OTUD7A: variants seen among roughly 807,000 people sequenced by gnomAD.
The protein encoded by OTUD7A is OTU domain-containing protein 7A.
Under a neutral mutation model 65.7 loss-of-function variants are expected in OTUD7A, and 12 were observed. The ratio of observed to expected loss-of-function variants is 0.18; its 90% CI spans 0.12 to 0.30. OTUD7A has a LOEUF of 0.30. Ranked by LOEUF, OTUD7A falls within the 10% of genes least tolerant of loss-of-function variation. OTUD7A has a pLI of 1.00. For missense variants in OTUD7A, 1,148 were observed against 1,304.8 expected (o/e 0.88, Z 1.85); for synonymous variants, 641 against 586.3 (o/e 1.09, Z -1.35).
At chr15:31,721,324 G>A (rs1362854774) in intron 1 of OTUD7A, among the ~76,000 whole-genome samples, 4 of 151,982 alleles carry the variant, frequency 2.6e-5, no homozygotes, top group African/African-American at 7.2e-5. Context: ...CAACTGGGGA[G>A]AAGGCATTAG....
At chr15:31,547,057 G>A (rs886375752) in intron 5 of OTUD7A, among the ~76,000 whole-genome samples, 18 of 113,796 alleles carry the variant, frequency 1.6e-4, no homozygotes, top group Non-Finnish European at 3.2e-4. Context: ...ACAATGAAAG[G>A]GTAATGGGTC....
At chr15:31,714,139 C>T (rs915868633) in intron 1 of OTUD7A, among the ~76,000 whole-genome samples, 26 of 148,306 alleles carry the variant, frequency 1.8e-4, no homozygotes, top group African/African-American at 6.4e-4. Context: ...CCTACACAAC[C>T]AAAATGTGTA....
intron 1 of OTUD7A, among the ~76,000 whole-genome samples, chr15:31,827,854 A>AG (rs34017886): frequency 0.94 from 141,880 of 151,538 alleles, 67,121 homozygotes; most frequent in East Asian, 1. Context: ...TTGAACTTGG[A>AG]GGGGCGGGGG....
At chr15:31,806,585 C>A (rs1023320821) in intron 1 of OTUD7A, among the ~76,000 whole-genome samples, 1 of 152,316 alleles carries the variant, frequency 6.6e-6, no homozygotes, top group Admixed American at 6.5e-5. Context: ...CCAACAAGGA[C>A]CCCCAATGAC....
chr15:31,579,929 A>G (rs1412891404), intron 3 of OTUD7A, among the ~76,000 whole-genome samples: 2 of 152,036 alleles, frequency 1.3e-5, no homozygotes, highest in African/African-American at 2.4e-5. Flanking sequence ...TAATGTAGGG[A>G]AAAATACAGA....
chr15:31,559,191 C>A lies in OTUD7A; in HGVS notation c.332-4G>T. On this transcript the variant is annotated splice_polypyrimidine_tract_variant and splice_region_variant and intron_variant, in intron 4 of 12. Coordinates refer to ENST00000307050, the MANE Select transcript of OTUD7A (RefSeq NM_001382637.1). ...ATCCCCCGGGAAAGCCGCTTTTCTG[C>A]AGGGGGAGAAGGAAAGATAGCCCCA... is the stretch of plus-strand genomic sequence containing the variant. 6.2e-7 allele frequency: 1 copy of A among 1,611,718 alleles called. No individual in the cohort carries two copies. Among genetic ancestry groups the A allele is most frequent in the Non-Finnish European group, 8.5e-7 (1 of 1,178,450 alleles).
At chr15:31,802,690 C>T (rs921589854) in intron 1 of OTUD7A, among the ~76,000 whole-genome samples, 1 of 152,184 alleles carries the variant, frequency 6.6e-6, no homozygotes, top group Admixed American at 6.5e-5. Flanking sequence ...ATTAAGAACG[C>T]TTTGAGGTAC....
chr15:31,682,407 A>C (rs1404462180), intron 1 of OTUD7A, among the ~76,000 whole-genome samples: 1 of 152,224 alleles, frequency 6.6e-6, no homozygotes, highest in Non-Finnish European at 1.5e-5. Context: ...TCTATATAGA[A>C]AGATAAACTA....
rs16956777 is a variant in OTUD7A, at chr15:31,487,635, C to G, written c.1172-69G>C. 392,183 of 1,321,798 alleles carry G rather than the reference C, an allele frequency of 0.3. 59,198 individuals are homozygous for G. Among genetic ancestry groups the G allele is most frequent in the East Asian group, 0.4 (16,033 of 40,022 alleles). 81.9% of individuals were successfully genotyped at this position (1,321,798 alleles called of 1,614,324 possible). A position where few individuals can be genotyped will look rare whatever the true frequency, so the allele number is the denominator to read the frequency against. On this transcript the variant is annotated intron_variant, in intron 10 of 12. Coordinates refer to ENST00000307050, the MANE Select transcript of OTUD7A (RefSeq NM_001382637.1). This position sits in a 1 kb window ranked among gnomAD's most constrained non-coding sequence, Gnocchi z 6.0. Reference sequence around the variant, plus strand: ...CCCAGGCAGGATGGCAAGGAAATTCCCAAGCCAGGTATCTGGGTGACAAAT... The same window carrying G: ...CCCAGGCAGGATGGCAAGGAAATTCGCAAGCCAGGTATCTGGGTGACAAAT...
In OTUD7A at chr15:31,618,338, C is replaced by T. The variant is rs1417903573; in HGVS notation, c.151+36758G>A. 2.6e-5 allele frequency among the ~76,000 whole-genome samples: 4 copies of T among 152,190 alleles called. No homozygotes were observed. In the East Asian group the frequency reaches 7.7e-4, roughly 29 times the overall value. ...CAAATGGTATTTCCAGTTCTAAATA[C>T]CTGAGGAATCGCCACACTGTCTTCC... is the stretch of plus-strand genomic sequence containing the variant. On this transcript the variant is annotated intron_variant, in intron 3 of 12. Transcript: ENST00000307050.
intron 3 of OTUD7A, among the ~76,000 whole-genome samples, chr15:31,647,055 A>T (rs1327322662): frequency 6.6e-6 from 1 of 151,732 alleles, no homozygotes; most frequent in Non-Finnish European, 1.5e-5. Flanking sequence ...TTTTTTTGAC[A>T]TTTTTTCCCC....
chr15:31,648,835 A>G (rs1891753276), intron 3 of OTUD7A, among the ~76,000 whole-genome samples: 1 of 152,126 alleles, frequency 6.6e-6, no homozygotes, highest in Non-Finnish European at 1.5e-5. Flanking sequence ...ATCTCAGCTC[A>G]CTACAACCTC....
chr15:31,645,822 A>G (rs922802096), intron 3 of OTUD7A, among the ~76,000 whole-genome samples: 2 of 152,166 alleles, frequency 1.3e-5, no homozygotes, highest in Non-Finnish European at 2.9e-5. Flanking sequence ...TTTATAAATA[A>G]AAGTTTTGTT....
chr15:31,695,952 A>T (rs1353920671), intron 1 of OTUD7A, among the ~76,000 whole-genome samples: 1 of 152,012 alleles, frequency 6.6e-6, no homozygotes. Flanking sequence ...TCTCACACAC[A>T]CCTGAGGAAG....
chr15:31,510,368 G>A (rs2041667494), intron 8 of OTUD7A, among the ~76,000 whole-genome samples: 1 of 151,078 alleles, frequency 6.6e-6, no homozygotes, highest in East Asian at 1.9e-4. Context: ...CGTCATGCTT[G>A]GTGTTTTTGC....
intron 1 of OTUD7A, among the ~76,000 whole-genome samples, chr15:31,670,774 G>C (rs375551855): frequency 6.6e-6 from 1 of 151,978 alleles, no homozygotes; most frequent in Non-Finnish European, 1.5e-5. Context: ...GGCGGATCAC[G>C]AGGTCAGGAG....
chr15:31,794,769 A>G (rs1895909419), intron 1 of OTUD7A, among the ~76,000 whole-genome samples: 1 of 152,192 alleles, frequency 6.6e-6, no homozygotes, highest in Non-Finnish European at 1.5e-5. Context: ...GGGCTCCTCC[A>G]GTGAGCAATT....
rs186725228 is a variant in OTUD7A, at chr15:31,647,819, T to A, written c.151+7277A>T. ...GAACAAAACCTTGTATGGTCCTTGC[T>A]GTCGGGGAGTTCATGATCCATCGTG... On this transcript the variant is annotated intron_variant, in intron 3 of 12. Transcript: ENST00000307050. Among the ~76,000 whole-genome samples, 961 of 152,090 alleles carry A rather than the reference T, an allele frequency of 6.3e-3. 3 individuals are homozygous for A. Among genetic ancestry groups the A allele is most frequent in the Non-Finnish European group, 9.7e-3 (657 of 67,986 alleles).
chr15:31,690,658 T>C (rs1376843663), intron 1 of OTUD7A, among the ~76,000 whole-genome samples: 1 of 152,228 alleles, frequency 6.6e-6, no homozygotes, highest in South Asian at 2.1e-4. Context: ...CCAAAGGTTT[T>C]CCACAAGACC....
Sources: allele counts gnomAD v4.1 joint callset (sites outside exome capture counted in the v4.1 genomes callset), GRCh38; gene constraint gnomAD v4.1.1; non-coding constraint Gnocchi (gnomAD v3.1); transcripts MANE v1.5; gene names NCBI Gene and HGNC (gene_info 2026-07-23, HGNC 2026-07-21).